The following NDUFAF6 variants were observed in gnomAD, a reference collection of about 807,000 sequenced individuals.
NDUFAF6 encodes the protein NADH dehydrogenase (ubiquinone) complex I, assembly factor 6.
A neutral mutation model predicts 40.8 loss-of-function variants in NDUFAF6; 45 were observed. That is an observed-to-expected ratio of 1.10 (90% CI 0.87 to 1.42). The LOEUF is 1.42. Ranked by LOEUF, NDUFAF6 falls within the 40% of genes most tolerant of loss-of-function variation. The pLI is 0.00. For synonymous variants in NDUFAF6, 185 were observed against 155.9 expected (o/e 1.19, Z -1.39); for missense variants, 435 against 418.5 (o/e 1.04, Z -0.34).
At chr8:95,064,585 T>C (rs71532343) in intron 9 of NDUFAF6, among the ~76,000 whole-genome samples, 19,403 of 152,090 alleles carry the variant, frequency 0.13, 1,539 homozygotes, top group Middle Eastern at 0.24. Flanking sequence ...GTGCATGATT[T>C]CTGGCTCATA....
chr8:95,025,277 C>T, intron 1 of NDUFAF6, 72 bp downstream of exon 1: 1 of 1,310,244 alleles, frequency 7.6e-7, no homozygotes, highest in Non-Finnish European at 9.7e-7. Context: ...CGCCTCGCGT[C>T]TGGCCTGACG....
At chr8:95,087,505 A>G (rs1225787499) in intron 2 of NDUFAF6, 1 of 151,842 alleles carries the variant, frequency 6.6e-6, no homozygotes, top group African/African-American at 2.4e-5. Context: ...TCATTTCTCT[A>G]CCTGTTTCCT....
chr8:95,034,459 G>A (rs1160404874), intron 2 of NDUFAF6, among the ~76,000 whole-genome samples: 1 of 152,152 alleles, frequency 6.6e-6, no homozygotes, highest in East Asian at 1.9e-4. Context: ...TCTAATCTAG[G>A]ATCATGTATT....
intron 1 of NDUFAF6, chr8:94,928,621 G>C (rs1820106240): frequency 6.6e-6 from 1 of 152,326 alleles, no homozygotes; most frequent in Admixed American, 6.5e-5. Flanking sequence ...AAGGAGAAAG[G>C]GGGAATCTAA....
At chr8:95,006,083 C>T (rs1055457856) in intron 2 of NDUFAF6, among the ~76,000 whole-genome samples, 1 of 152,102 alleles carries the variant, frequency 6.6e-6, no homozygotes, top group Non-Finnish European at 1.5e-5. Flanking sequence ...TAAGGCCAGG[C>T]GCGGTGGCTC....
intron 1 of NDUFAF6, among the ~76,000 whole-genome samples, chr8:94,914,297 A>G (rs1818984014): frequency 6.6e-6 from 1 of 152,162 alleles, no homozygotes; most frequent in Non-Finnish European, 1.5e-5. Context: ...GGTTTCAAAC[A>G]TCGCTGTAAG....
intron 3 of NDUFAF6, chr8:95,036,519 C>T: frequency 3.1e-6 from 4 of 1,285,114 alleles, no homozygotes; most frequent in Non-Finnish European, 4.1e-6. Context: ...AGTTCTTTAC[C>T]TCTGTTCATC....
At chr8:94,962,618 T>G (rs867467838) in intron 1 of NDUFAF6, among the ~76,000 whole-genome samples, 15 of 74,754 alleles carry the variant, frequency 2.0e-4, no homozygotes, top group East Asian at 5.8e-4. Context: ...TGTTTTTTGT[T>G]TTTTTTTTTT....
chr8:95,041,682 A>G (rs1464979245), intron 4 of NDUFAF6, 56 bp downstream of exon 4: 6 of 1,380,172 alleles, frequency 4.3e-6, no homozygotes, highest in African/African-American at 4.3e-5. Context: ...TTCTTAAGCT[A>G]ATTCTTCAAG....
intron 1 of NDUFAF6, among the ~76,000 whole-genome samples, chr8:94,909,280 C>T (rs1165490126): frequency 7.5e-5 from 10 of 133,344 alleles, no homozygotes; most frequent in Admixed American, 3.4e-4. Flanking sequence ...ACCTGGGAGG[C>T]GGAGATTGCA....
intron 2 of NDUFAF6, among the ~76,000 whole-genome samples, chr8:95,082,297 C>T (rs991467004): frequency 6.6e-6 from 1 of 151,934 alleles, no homozygotes; most frequent in East Asian, 1.9e-4. Context: ...GGCAACATGA[C>T]GAGACCCTGT....
intron 1 of NDUFAF6, chr8:94,929,946 C>G (rs1257261815): frequency 6.5e-6 from 1 of 153,276 alleles, no homozygotes; most frequent in Non-Finnish European, 1.5e-5. Context: ...AGTTTTCTTT[C>G]AAAAGAAAGT....
chr8:95,060,078 C>T (rs906315476), downstream of NDUFAF6, among the ~76,000 whole-genome samples: 1 of 151,644 alleles, frequency 6.6e-6, no homozygotes, highest in African/African-American at 2.4e-5. Context: ...TTTGCTGGCT[C>T]AGAAGCCAAT....
chr8:94,943,716 C>T (rs1261984665), intron 1 of NDUFAF6, among the ~76,000 whole-genome samples: 1 of 152,196 alleles, frequency 6.6e-6, no homozygotes, highest in African/African-American at 2.4e-5. Context: ...GTTTGGCACA[C>T]TACTACACAA....
intron 1 of NDUFAF6, chr8:94,931,936 C>G: frequency 1.3e-6 from 1 of 791,682 alleles, no homozygotes; most frequent in Non-Finnish European, 2.0e-6. Context: ...CACACCATTG[C>G]ACTCCAGCCT....
intron 1 of NDUFAF6, chr8:94,939,710 T>TAA (rs1563730239): frequency 8.7e-7 from 1 of 1,146,750 alleles, no homozygotes; most frequent in East Asian, 2.5e-5. Context: ...CAAGTTATCT[T>TAA]ACGGACCATC....
intron 1 of NDUFAF6, among the ~76,000 whole-genome samples, chr8:94,933,834 T>TCG (rs1554630442): frequency 3.4e-5 from 2 of 59,022 alleles, no homozygotes; most frequent in African/African-American, 6.2e-5. Context: ...CAGCACTTTG[T>TCG]GGGGGGGGGG....
intron 1 of NDUFAF6, chr8:94,927,594 A>G (rs1820005556): frequency 6.6e-6 from 1 of 152,234 alleles, no homozygotes; most frequent in South Asian, 2.1e-4. Context: ...GCATTGCCAC[A>G]GAAGATAAAT....
chr8:95,019,164 C>T (rs1019324460), intron 2 of NDUFAF6, among the ~76,000 whole-genome samples: 1 of 152,182 alleles, frequency 6.6e-6, no homozygotes, highest in East Asian at 1.9e-4. Flanking sequence ...GTTTGCGCCA[C>T]CATGCCCAGT....
Sources: gnomAD v4.1 joint callset for allele counts (sites outside exome capture counted in the v4.1 genomes callset) on GRCh38, gnomAD v4.1.1 for gene constraint, MANE v1.5 for transcripts, NCBI Gene and HGNC (gene_info 2026-07-23, HGNC 2026-07-21) for gene names.